Variants in MRPL43 observed in about 807,000 individuals in gnomAD.
The protein encoded by MRPL43 is large ribosomal subunit protein mL43.
A neutral mutation model predicts 12.7 loss-of-function variants in MRPL43; 9 were observed. The observed-to-expected ratio is 0.71, with a 90% CI of 0.43 to 1.24. The LOEUF (loss-of-function observed/expected upper bound fraction) is 1.24, where lower values mean the gene tolerates loss of function less well. Among genes scored for constraint, MRPL43 ranks in the 50% most tolerant of loss-of-function variants. The pLI, the probability that MRPL43 is intolerant of heterozygous loss-of-function variation, is 0.00. For synonymous variants in MRPL43, 116 were observed against 96.4 expected, an observed-to-expected ratio of 1.20 and a Z score of -1.19; for missense variants, 211 against 229.2, an observed-to-expected ratio of 0.92 and a Z score of 0.51.
At chr10:100,978,813 C>G, downstream of MRPL43, 1 of 1,605,306 alleles carries the variant, frequency 6.2e-7, no homozygotes, top group Non-Finnish European at 8.5e-7. Flanking sequence ...AATCCCCAGC[C>G]TGTCTCAAAA....
chr10:100,978,235 T>G (rs1302034063), downstream of MRPL43: 1 of 1,313,776 alleles, frequency 7.6e-7, no homozygotes, highest in Non-Finnish European at 1.1e-6. Context: ...CTGATCTGAC[T>G]TTGAGCCACT....
chr10:100,979,635 CCT>C (rs2133881429), downstream of MRPL43, among the ~76,000 whole-genome samples: 1 of 152,236 alleles, frequency 6.6e-6, no homozygotes, highest in East Asian at 1.9e-4. Context: ...CTCGCCTCGG[CCT>C]CTCAAAGTGC....
downstream of MRPL43, chr10:100,983,488 A>C: frequency 6.2e-7 from 1 of 1,614,182 alleles, no homozygotes; most frequent in East Asian, 2.2e-5. Flanking sequence ...GCACAGCCTG[A>C]GCACAGTGGC....
downstream of MRPL43, chr10:100,978,925 C>G: frequency 6.2e-7 from 1 of 1,614,208 alleles, no homozygotes; most frequent in Non-Finnish European, 8.5e-7. Context: ...AGGTGTACTA[C>G]TTCTTCACGG....
At chr10:100,977,952 C>T (rs1850873269), downstream of MRPL43, 4 of 580,648 alleles carry the variant, frequency 6.9e-6, no homozygotes, top group Admixed American at 1.2e-4. Flanking sequence ...CATCCTCCCC[C>T]TAATCACCTC....
chr10:100,978,283 C>T, downstream of MRPL43: 1 of 1,608,206 alleles, frequency 6.2e-7, no homozygotes, highest in African/African-American at 1.3e-5. Flanking sequence ...CTGCTGGTTC[C>T]TTGTTCCCTA....
rs1404320629 is a variant in MRPL43 at position 100,987,354 on chromosome 10, G to A, written c.90C>T (p.Ser30=). The part of the protein sequence containing the change: ...GRYVQQLQRL[S]FSVSRDGASS... ...AGGCGCCGTCGCGGCTGACGCTGAA[G>A]CTCAGACGCTGCAGCTGCTGCACAT... The change falls in exon 1 of 3, where the codon AGC becomes AGT. Residue 30 remains serine, a synonymous_variant. Transcript: ENST00000318364. 1 of 1,612,592 alleles carries A rather than the reference G, an allele frequency of 6.2e-7. No homozygotes were observed. The highest frequency in any genetic ancestry group is 8.5e-7 in the Non-Finnish European group (1 of 1,179,898).
chr10:100,983,316 C>A, downstream of MRPL43: 1 of 1,549,652 alleles, frequency 6.5e-7, no homozygotes. Flanking sequence ...GCCACCACCA[C>A]CACTGAAGAC....
chr10:100,981,854 T>TG (rs1851094761), downstream of MRPL43, among the ~76,000 whole-genome samples: 1 of 152,130 alleles, frequency 6.6e-6, no homozygotes, highest in Admixed American at 6.5e-5. Flanking sequence ...GCTCAGGAAT[T>TG]GGAGACCAGC....
At chr10:100,984,334 C>T (rs1385143611), downstream of MRPL43, 7 of 1,442,172 alleles carry the variant, frequency 4.9e-6, no homozygotes, top group African/African-American at 1.0e-4. Flanking sequence ...GTGAGCAGCC[C>T]AGGCCCATCG....
chr10:100,980,949 A>T (rs768215640), downstream of MRPL43: 3 of 1,608,420 alleles, frequency 1.9e-6, no homozygotes, highest in Non-Finnish European at 2.5e-6. Context: ...CCTGGCACCC[A>T]TGCCTGCGCA....
downstream of MRPL43, chr10:100,981,500 T>C: frequency 6.2e-7 from 1 of 1,614,186 alleles, no homozygotes; most frequent in Non-Finnish European, 8.5e-7. Flanking sequence ...TTCAGGACGG[T>C]AATGGGTATT....
chr10:100,981,262 C>G (rs200927600), downstream of MRPL43: 9 of 1,609,050 alleles, frequency 5.6e-6, no homozygotes, highest in African/African-American at 2.7e-5. Context: ...GGTCTAGCTA[C>G]GCAGACTGTC....
downstream of MRPL43, chr10:100,983,561 A>C (rs1257594428): frequency 3.7e-6 from 6 of 1,613,832 alleles, no homozygotes; most frequent in Admixed American, 1.0e-4. Context: ...ATAGTCTCAC[A>C]GTCCGGCCAG....
chr10:100,984,553 A>G, downstream of MRPL43: 2 of 1,536,112 alleles, frequency 1.3e-6, no homozygotes, highest in South Asian at 1.2e-5. Context: ...TGTGTGCTGG[A>G]TGGTCCTGAA....
downstream of MRPL43, among the ~76,000 whole-genome samples, chr10:100,982,188 GGGT>G (rs1851120540): frequency 6.6e-6 from 1 of 151,922 alleles, no homozygotes; most frequent in South Asian, 2.1e-4. Flanking sequence ...AGAGGACATG[GGGT>G]AATGGGGTGA....
At chr10:100,983,449 TGGGCGTGGAC>T, downstream of MRPL43, 1 of 1,614,058 alleles carries the variant, frequency 6.2e-7, no homozygotes, top group Non-Finnish European at 8.5e-7. Flanking sequence ...GGCTACCGTG[TGGGCGTGGAC>T]GGGCTGCTGG....
chr10:100,980,377 GC>G, downstream of MRPL43: 1 of 1,586,602 alleles, frequency 6.3e-7, no homozygotes, highest in Non-Finnish European at 8.7e-7. Context: ...ATCCCTGTTG[GC>G]CCTGATCACT....
downstream of MRPL43, among the ~76,000 whole-genome samples, chr10:100,982,927 G>A (rs1041583683): frequency 2.6e-5 from 4 of 152,268 alleles, no homozygotes; most frequent in Non-Finnish European, 4.4e-5. Context: ...TGTCGTTGGG[G>A]AGAAAAGCTT....
Sources: allele counts gnomAD v4.1 joint callset (sites outside exome capture counted in the v4.1 genomes callset), GRCh38; gene constraint gnomAD v4.1.1; transcripts MANE v1.5; gene names NCBI Gene and HGNC (gene_info 2026-07-23, HGNC 2026-07-21).